Variants in CTNNA1 observed in about 807,000 individuals in gnomAD.
CTNNA1 encodes the protein catenin alpha-1.
In CTNNA1, 37 loss-of-function variants were observed where a neutral mutation model predicts 98.4. The ratio of observed to expected loss-of-function variants is 0.38; its 90% CI spans 0.29 to 0.49. CTNNA1 has a LOEUF of 0.49. Ranked by LOEUF, CTNNA1 falls within the 20% of genes least tolerant of loss-of-function variation. CTNNA1 has a pLI of 0.95. For missense variants in CTNNA1, 761 were observed against 1,147.2 expected, an observed-to-expected ratio of 0.66 and a Z score of 4.86; for synonymous variants, 404 against 413.2, an observed-to-expected ratio of 0.98 and a Z score of 0.27.
chr5:138,790,066 T>C (rs1342672879), intron 3 of CTNNA1, among the ~76,000 whole-genome samples: 1 of 151,992 alleles, frequency 6.6e-6, no homozygotes, highest in African/African-American at 2.4e-5. Context: ...GCAGGAAGGG[T>C]TAAAGTGACT....
At chr5:138,857,731 T>C (rs1763855518) in intron 7 of CTNNA1, among the ~76,000 whole-genome samples, 1 of 152,218 alleles carries the variant, frequency 6.6e-6, no homozygotes, top group Non-Finnish European at 1.5e-5. Context: ...AAATGATTTA[T>C]ACAAGGTCCC....
chr5:138,890,314 A>G (rs1011179350), intron 9 of CTNNA1, among the ~76,000 whole-genome samples: 4 of 150,146 alleles, frequency 2.7e-5, no homozygotes, highest in Admixed American at 2.7e-4. Context: ...AAGTTAGTGC[A>G]GACCCCACAG....
chr5:138,888,586 A>C (rs288022), intron 9 of CTNNA1, among the ~76,000 whole-genome samples: 52,599 of 151,690 alleles, frequency 0.35, 9,774 homozygotes, highest in African/African-American at 0.5. Context: ...CTTGCTGTGT[A>C]GCCCAGGCTG....
At chr5:138,784,087 T>C (rs982419801) in intron 3 of CTNNA1, among the ~76,000 whole-genome samples, 1 of 152,182 alleles carries the variant, frequency 6.6e-6, no homozygotes, top group African/African-American at 2.4e-5. Context: ...TTATTTTTAG[T>C]AGAGATGGGG....
intron 11 of CTNNA1, among the ~76,000 whole-genome samples, chr5:138,918,887 CAG>C (rs1464219605): frequency 1.3e-5 from 2 of 152,194 alleles, no homozygotes; most frequent in Non-Finnish European, 2.9e-5. Context: ...GGGCTTGAAA[CAG>C]AAGCGGGGCT....
chr5:138,795,942 G>T (rs561684675), intron 3 of CTNNA1, among the ~76,000 whole-genome samples: 2 of 152,118 alleles, frequency 1.3e-5, no homozygotes, highest in Admixed American at 1.3e-4. Context: ...TTTCCAGTTT[G>T]TCTTCTGTGA....
rs1244639404 is a variant in CTNNA1, at chr5:138,766,625, A to C, written c.-3+13115A>C. ...GGTGTTTACTGAGGTACGGAGGAGA[A>C]AGAAAATGAGGCTAGAGTCTCATTC... On this transcript the variant is annotated intron_variant, in intron 1 of 17. Transcript: ENST00000302763. 2.6e-5 allele frequency among the ~76,000 whole-genome samples: 4 copies of C among 152,070 alleles called. No individual in the cohort carries two copies. The South Asian group carries it at 8.3e-4, about 32-fold the overall frequency.
chr5:138,854,838 C>T (rs943810270), intron 7 of CTNNA1, among the ~76,000 whole-genome samples: 5 of 152,172 alleles, frequency 3.3e-5, no homozygotes, highest in Non-Finnish European at 5.9e-5. Flanking sequence ...TCATACTCCA[C>T]GGGACATACA....
chr5:138,761,595 T>C (rs372482934), intron 1 of CTNNA1, among the ~76,000 whole-genome samples: 1,662 of 98,678 alleles, frequency 0.017, 27 homozygotes, highest in African/African-American at 0.053. Context: ...GGTGGAAAAA[T>C]GAACAGGTAA....
In CTNNA1 at chr5:138,827,528, T is replaced by C. The variant is rs1371136695; in HGVS notation, c.872T>C (p.Val291Ala). 1 of 1,614,258 alleles carries C rather than the reference T, an allele frequency of 6.2e-7. No homozygotes were observed. ...CTTTCTCTGCAGAAACAAATCATTG[T>C]GGACCCCTTGAGCTTCAGCGAGGAG... ...ALNNFDKQII[V>A]DPLSFSEERF... The change falls in exon 7 of 18, where the codon GTG becomes GCG. Residue 291 changes from valine to alanine, a missense_variant. Coordinates refer to ENST00000302763, the MANE Select transcript of CTNNA1 (RefSeq NM_001903.5).
At chr5:138,756,895 A>G (rs1270737065) in intron 1 of CTNNA1, among the ~76,000 whole-genome samples, 1 of 152,002 alleles carries the variant, frequency 6.6e-6, no homozygotes, top group Non-Finnish European at 1.5e-5. Context: ...GAGAAATGAG[A>G]CAGGACTTAA....
intron 9 of CTNNA1, among the ~76,000 whole-genome samples, chr5:138,889,786 G>A (rs933220757): frequency 5.9e-5 from 9 of 152,062 alleles, no homozygotes; most frequent in Admixed American, 5.9e-4. Context: ...CATAGGCTTT[G>A]TAGTCCCATT....
At chr5:138,808,708 T>A (rs1758368351) in intron 3 of CTNNA1, among the ~76,000 whole-genome samples, 1 of 137,774 alleles carries the variant, frequency 7.3e-6, no homozygotes, top group African/African-American at 2.7e-5. Context: ...AAAAAAAAAA[T>A]TCAGGGAAGA....
chr5:138,850,486 AATAATTAATACTAATAATAGTAC>A (rs1763090134), intron 7 of CTNNA1, among the ~76,000 whole-genome samples: 1 of 152,238 alleles, frequency 6.6e-6, no homozygotes, highest in African/African-American at 2.4e-5. Flanking sequence ...CTATTTAACA[AATAATTAATACTAATAATAGTAC>A]ATCTTACTGT....
chr5:138,853,531 C>G (rs1581275663), intron 7 of CTNNA1, among the ~76,000 whole-genome samples: 2 of 147,784 alleles, frequency 1.4e-5, no homozygotes, highest in Admixed American at 6.7e-5. Flanking sequence ...TGTTTTTGTT[C>G]TCAGGTAGAT....
At chr5:138,865,219 T>C (rs928090044) in intron 7 of CTNNA1, among the ~76,000 whole-genome samples, 32 of 152,308 alleles carry the variant, frequency 2.1e-4, no homozygotes, top group Non-Finnish European at 2.6e-4. Flanking sequence ...TGTTGTCTGG[T>C]CCCAGGGATG....
chr5:138,778,410 G>A (rs1402333671), intron 1 of CTNNA1, among the ~76,000 whole-genome samples: 1 of 152,190 alleles, frequency 6.6e-6, no homozygotes, highest in Admixed American at 6.5e-5. Context: ...ATAACACAGA[G>A]GTGATGTTGT....
chr5:138,847,718 A>G (rs1027225855), intron 7 of CTNNA1, among the ~76,000 whole-genome samples: 11 of 152,126 alleles, frequency 7.2e-5, no homozygotes, highest in Non-Finnish European at 1.5e-4. Context: ...TTCTCTCTAA[A>G]TTGATGTACT....
chr5:138,917,637 T>C (rs1222788127), intron 10 of CTNNA1, 105 bp from the exon 11 acceptor site: 4 of 1,096,740 alleles, frequency 3.6e-6, no homozygotes, highest in Non-Finnish European at 5.2e-6. Context: ...ATCTTTGTGA[T>C]AGTTAGGATA....
Sources: allele counts gnomAD v4.1 joint callset (sites outside exome capture counted in the v4.1 genomes callset), GRCh38; gene constraint gnomAD v4.1.1; transcripts MANE v1.5; gene names NCBI Gene and HGNC (gene_info 2026-07-23, HGNC 2026-07-21).